CERKL: variants seen among roughly 807,000 people sequenced by gnomAD.
CERKL encodes the protein ceramide kinase-like protein.
In CERKL, 61 loss-of-function variants were observed where a neutral mutation model predicts 63.4. The observed-to-expected ratio is 0.96, with a 90% CI of 0.78 to 1.19. The LOEUF (loss-of-function observed/expected upper bound fraction) is 1.19. Ranked by LOEUF, CERKL falls within the 50% of genes most tolerant of loss-of-function variation. CERKL has a pLI of 0.00. For synonymous variants in CERKL, 250 were observed against 230.5 expected, an observed-to-expected ratio of 1.08 and a Z score of -0.77; for missense variants, 675 against 655.5, an observed-to-expected ratio of 1.03 and a Z score of -0.33.
intron 1 of CERKL, among the ~76,000 whole-genome samples, chr2:181,613,474 C>T (rs1040116755): frequency 6.6e-6 from 1 of 152,170 alleles, no homozygotes; most frequent in African/African-American, 2.4e-5. Context: ...GTATTTCCTG[C>T]TTTTCCAGCT....
At chr2:181,569,138 G>A (rs72885303) in intron 3 of CERKL, among the ~76,000 whole-genome samples, 59,517 of 151,750 alleles carry the variant, frequency 0.39, 12,475 homozygotes, top group African/African-American at 0.53. Flanking sequence ...AGTCTTCATC[G>A]TCCCCAGGTA....
At chr2:181,600,435 T>C (rs933493539) in intron 2 of CERKL, among the ~76,000 whole-genome samples, 3 of 152,210 alleles carry the variant, frequency 2.0e-5, no homozygotes, top group Admixed American at 6.5e-5. Context: ...TTAGATTTTT[T>C]AAATGACCTA....
At chr2:181,560,736 A>G (rs1347477178) in intron 4 of CERKL, among the ~76,000 whole-genome samples, 1 of 152,178 alleles carries the variant, frequency 6.6e-6, no homozygotes, top group Admixed American at 6.6e-5. Flanking sequence ...AAGCTACAAT[A>G]TTATTCAATA....
At chr2:181,645,800 TTC>T (rs1687646160) in intron 1 of CERKL, among the ~76,000 whole-genome samples, 1 of 152,254 alleles carries the variant, frequency 6.6e-6, no homozygotes, top group Non-Finnish European at 1.5e-5. Context: ...TTAAAAATTC[TTC>T]TCAAGTTACT....
At chr2:181,622,741 C>A (rs1028105642) in intron 1 of CERKL, among the ~76,000 whole-genome samples, 1 of 151,966 alleles carries the variant, frequency 6.6e-6, no homozygotes, top group Non-Finnish European at 1.5e-5. Flanking sequence ...TCAAATGTCA[C>A]CCTGAAAAAT....
intron 8 of CERKL, 123 bp downstream of exon 8, chr2:181,548,422 T>G: frequency 1.3e-6 from 1 of 778,338 alleles, no homozygotes; most frequent in Non-Finnish European, 2.2e-6. Flanking sequence ...AGTCTGTGAT[T>G]CTATATTCTT....
intron 2 of CERKL, among the ~76,000 whole-genome samples, chr2:181,586,368 C>T (rs1309430741): frequency 6.6e-6 from 1 of 152,004 alleles, no homozygotes; most frequent in Non-Finnish European, 1.5e-5. Flanking sequence ...CATGACCTTG[C>T]TCTGCTCTCA....
intron 12 of CERKL, among the ~76,000 whole-genome samples, 200 bp downstream of exon 12, chr2:181,538,892 G>A (rs1258334296): frequency 6.6e-6 from 1 of 152,106 alleles, no homozygotes; most frequent in Non-Finnish European, 1.5e-5. Context: ...AATGCCTTGG[G>A]TCTACATAAC....
chr2:181,573,211 T>C (rs568693325), intron 3 of CERKL, among the ~76,000 whole-genome samples: 35 of 152,274 alleles, frequency 2.3e-4, no homozygotes, highest in African/African-American at 7.5e-4. Context: ...CATTAACAAG[T>C]TTCTATTTTC....
At chr2:181,566,168 A>G in intron 3 of CERKL, 47 bp from the exon 4 acceptor site, 11 of 1,432,474 alleles carry the variant, frequency 7.7e-6, no homozygotes, top group Non-Finnish European at 1.1e-5. Context: ...GTTTTAAACA[A>G]TGATCACACT....
intron 2 of CERKL, among the ~76,000 whole-genome samples, chr2:181,579,158 T>G (rs1296012243): frequency 6.6e-6 from 1 of 151,974 alleles, no homozygotes; most frequent in Non-Finnish European, 1.5e-5. Flanking sequence ...CTGGATAAGT[T>G]AATTGAGATA....
In CERKL at chr2:181,571,687, G is replaced by A. The variant is rs71427807; in HGVS notation, c.613+2066C>T. 4.4e-3 allele frequency among the ~76,000 whole-genome samples: 663 copies of A among 152,172 alleles called. 5 individuals are homozygous for A. The highest frequency in any genetic ancestry group is 6.5e-3 in the Non-Finnish European group (441 of 68,002). The stretch of plus-strand genomic sequence containing the variant: ...TACCTCCTGTAGTATACATTGTTGA[G>A]AGCCTTCCTAGAAGTCATTTTGCCC... On this transcript the variant is annotated intron_variant, in intron 3 of 12. Transcript: ENST00000410087.
chr2:181,643,763 T>C (rs1559121385), intron 1 of CERKL, among the ~76,000 whole-genome samples: 1 of 152,226 alleles, frequency 6.6e-6, no homozygotes, highest in African/African-American at 2.4e-5. Flanking sequence ...CCTAAATTGA[T>C]CACTCTTAAA....
At chr2:181,557,839 T>C (rs1011344125) in intron 5 of CERKL, among the ~76,000 whole-genome samples, 5 of 152,208 alleles carry the variant, frequency 3.3e-5, no homozygotes, top group African/African-American at 1.2e-4. Context: ...GTTTTGCCTT[T>C]GCTTTATTAC....
intron 2 of CERKL, among the ~76,000 whole-genome samples, chr2:181,580,541 T>C (rs1042125319): frequency 1.1e-4 from 17 of 152,140 alleles, no homozygotes; most frequent in Admixed American, 3.3e-4. Context: ...CCAGAAAAAT[T>C]TGACTAATAG....
chr2:181,537,176 C>A lies in CERKL; in HGVS notation c.*1008G>T. ...GCTAGTCATTCTTTCAGGAGAACAT[C>A]TAGGATCATAGATGAAAAATCAAGC... On this transcript the variant is annotated 3_prime_UTR_variant, in exon 13 of 13. Transcript: ENST00000410087. 2 of 453,890 alleles carry A rather than the reference C, an allele frequency of 4.4e-6. No homozygotes were observed. Among genetic ancestry groups the A allele is most frequent in the South Asian group, 3.1e-5 (2 of 64,472 alleles). The allele number at this position is 453,890 out of a possible 1,614,324, so 28.1% of individuals were successfully genotyped here. A position where few individuals can be genotyped will look rare whatever the true frequency, so the allele number is the denominator to read the frequency against.
rs775405083 is a variant in CERKL, at chr2:181,547,853, A to C, written c.1134-6T>G. ...TGGGAGATCCCTGTGCCCTCCTAAA[A>C]GAAAGAAAACAAAACAAAGACATAA... On this transcript the variant is annotated splice_polypyrimidine_tract_variant and splice_region_variant and intron_variant, in intron 8 of 12. Transcript: ENST00000410087. 4 of 1,614,080 alleles carry C rather than the reference A, an allele frequency of 2.5e-6. No individual in the cohort carries two copies. The East Asian group carries it at 8.9e-5, about 36-fold the overall frequency.
chr2:181,536,924 G>GGAAAGATTTCTTT lies in CERKL; in HGVS notation c.*1247_*1259dup, dbSNP rs769389470. ...AAGGCAATGTGGAAAAACAATTCTG[G>GGAAAGATTTCTTT]GAAAGATTTCTTTATATGAAGTCCC... On this transcript the variant is annotated 3_prime_UTR_variant, in exon 13 of 13. Coordinates refer to ENST00000410087, the MANE Select transcript of CERKL (RefSeq NM_201548.5). 2.3e-4 allele frequency: 103 copies of GGAAAGATTTCTTT among 453,422 alleles called. No homozygotes were observed. In the East Asian group the frequency reaches 6.5e-3, roughly 29 times the overall value. 28.1% of individuals were successfully genotyped at this position (453,422 alleles called of 1,614,324 possible). A position where few individuals can be genotyped will look rare whatever the true frequency, so the allele number is the denominator to read the frequency against.
intron 1 of CERKL, among the ~76,000 whole-genome samples, chr2:181,650,588 G>A (rs565433540): frequency 3.0e-4 from 46 of 151,930 alleles, no homozygotes; most frequent in Non-Finnish European, 5.7e-4. Flanking sequence ...GAGAAACCCC[G>A]TCTCTACTAA....
Sources: gnomAD v4.1 joint callset for allele counts (sites outside exome capture counted in the v4.1 genomes callset) on GRCh38, gnomAD v4.1.1 for gene constraint, MANE v1.5 for transcripts, NCBI Gene and HGNC (gene_info 2026-07-23, HGNC 2026-07-21) for gene names.